SAMD12: variants seen among roughly 807,000 people sequenced by gnomAD.
SAMD12 encodes the protein sterile alpha motif domain-containing protein 12.
In SAMD12, 9 loss-of-function variants were observed where a neutral mutation model predicts 15.0. The ratio of observed to expected loss-of-function variants is 0.60; its 90% CI spans 0.36 to 1.05. SAMD12 has a LOEUF of 1.05. Ranked by LOEUF, SAMD12 falls within the 50% of genes least tolerant of loss-of-function variation. The pLI is 0.01. For synonymous variants in SAMD12, 86 were observed against 90.1 expected (o/e 0.96, Z 0.25); for missense variants, 230 against 234.2 (o/e 0.98, Z 0.12).
At chr8:118,375,822 C>T (rs991130505), downstream of SAMD12, 1 of 152,190 alleles carries the variant, frequency 6.6e-6, no homozygotes, top group Non-Finnish European at 1.5e-5. Context: ...ACAGGTGCAG[C>T]TTGTATTAGC....
chr8:118,528,975 A>C (rs571353447), intron 2 of SAMD12, among the ~76,000 whole-genome samples: 98 of 152,314 alleles, frequency 6.4e-4, no homozygotes, highest in African/African-American at 2.2e-3. Flanking sequence ...CAAGAGGAAG[A>C]AAAAAAGAAG....
intron 2 of SAMD12, among the ~76,000 whole-genome samples, chr8:118,477,779 T>TGA (rs2130982004): frequency 6.6e-6 from 1 of 151,984 alleles, no homozygotes; most frequent in South Asian, 2.1e-4. Context: ...CTTTGGGAGC[T>TGA]GAGGTGGGCG....
intron 4 of SAMD12, among the ~76,000 whole-genome samples, chr8:118,345,313 C>G (rs1281228173): frequency 6.6e-6 from 1 of 152,178 alleles, no homozygotes; most frequent in African/African-American, 2.4e-5. Flanking sequence ...ACTGTAAGCA[C>G]ACACTGCGAT....
At chr8:118,175,034 C>CAAAAAAAAAAA in the SAMD12 span, among the ~76,000 whole-genome samples, 4 of 78,756 alleles carry the variant, frequency 5.1e-5, no homozygotes, top group African/African-American at 7.4e-5. Flanking sequence ...CAAAAAAAAA[C>CAAAAAAAAAAA]AAAAAAAAAA....
At chr8:118,515,323 T>C (rs1825212309) in intron 2 of SAMD12, among the ~76,000 whole-genome samples, 1 of 151,324 alleles carries the variant, frequency 6.6e-6, no homozygotes, top group African/African-American at 2.4e-5. Flanking sequence ...ACCTCCTCCT[T>C]CTCTTTCTTC....
At chr8:118,151,367 T>G in the SAMD12 span, among the ~76,000 whole-genome samples, 2 of 152,222 alleles carry the variant, frequency 1.3e-5, no homozygotes, top group Non-Finnish European at 2.9e-5. Flanking sequence ...CAAATGTTTT[T>G]CAGCCCCTTC....
At chr8:118,338,507 C>T (rs1314463994) in intron 4 of SAMD12, among the ~76,000 whole-genome samples, 3 of 152,216 alleles carry the variant, frequency 2.0e-5, no homozygotes, top group East Asian at 1.9e-4. Context: ...ATAAAATGAA[C>T]GCTGATAAAG....
chr8:118,164,084 A>AGGAGGAGCAGGAG, the SAMD12 span, among the ~76,000 whole-genome samples: 1 of 152,160 alleles, frequency 6.6e-6, no homozygotes, highest in Non-Finnish European at 1.5e-5. Context: ...GAGGACAACC[A>AGGAGGAGCAGGAG]GGAGGAGCAG....
intron 2 of SAMD12, among the ~76,000 whole-genome samples, chr8:118,463,402 G>A (rs1249173746): frequency 6.6e-6 from 1 of 152,178 alleles, no homozygotes; most frequent in Non-Finnish European, 1.5e-5. Context: ...ATCACAGAGA[G>A]CACAGCAGTG....
intron 4 of SAMD12, among the ~76,000 whole-genome samples, chr8:118,215,174 G>A (rs1435656646): frequency 6.6e-6 from 1 of 152,178 alleles, no homozygotes; most frequent in African/African-American, 2.4e-5. Flanking sequence ...TATAGCCCCT[G>A]TAGGACAAAT....
intron 2 of SAMD12, among the ~76,000 whole-genome samples, chr8:118,547,331 C>A (rs1285553736): frequency 6.6e-6 from 1 of 152,162 alleles, no homozygotes; most frequent in Non-Finnish European, 1.5e-5. Flanking sequence ...AGAATGACTT[C>A]AGTGAGGCTT....
intron 3 of SAMD12, among the ~76,000 whole-genome samples, chr8:118,427,588 C>G (rs1822269639): frequency 6.7e-6 from 1 of 149,324 alleles, no homozygotes; most frequent in Non-Finnish European, 1.5e-5. Context: ...TTTCACCGAG[C>G]ACAATGTGAG....
chr8:118,179,616 C>T, the SAMD12 span, among the ~76,000 whole-genome samples: 1 of 152,090 alleles, frequency 6.6e-6, no homozygotes, highest in East Asian at 1.9e-4. Flanking sequence ...TTCCTCCTGG[C>T]CTCAGGTTTT....
intron 1 of SAMD12, among the ~76,000 whole-genome samples, chr8:118,604,089 C>T (rs1017364467): frequency 6.6e-6 from 1 of 152,136 alleles, no homozygotes; most frequent in Non-Finnish European, 1.5e-5. Context: ...ACAATGATTT[C>T]AACTATACAT....
chr8:118,373,779 T>C (rs926240568), downstream of SAMD12, among the ~76,000 whole-genome samples: 1 of 152,172 alleles, frequency 6.6e-6, no homozygotes, highest in African/African-American at 2.4e-5. Flanking sequence ...TGCCTGAATT[T>C]ACCCAACCCT....
chr8:118,312,987 A>G (rs558686874), intron 4 of SAMD12, among the ~76,000 whole-genome samples: 1 of 152,328 alleles, frequency 6.6e-6, no homozygotes, highest in Admixed American at 6.5e-5. Context: ...ACTAAACCAC[A>G]TTGGTAGGGA....
the SAMD12 span, among the ~76,000 whole-genome samples, chr8:118,159,377 A>G: frequency 6.6e-6 from 1 of 152,168 alleles, no homozygotes; most frequent in East Asian, 1.9e-4. Context: ...GGCTGTGCAC[A>G]GTGGCCGGAC....
chr8:118,494,014 C>T (rs894316619), intron 2 of SAMD12, among the ~76,000 whole-genome samples: 3 of 152,144 alleles, frequency 2.0e-5, no homozygotes, highest in Admixed American at 1.3e-4. Context: ...AAGCTGGTGC[C>T]ATGGTATTGT....
At chr8:118,618,139 C>T (rs1586861559) in intron 1 of SAMD12, among the ~76,000 whole-genome samples, 1 of 151,984 alleles carries the variant, frequency 6.6e-6, no homozygotes, top group East Asian at 1.9e-4. Flanking sequence ...GTAAGCTGCC[C>T]ATAAATGCAA....
Sources: gnomAD v4.1 joint callset for allele counts (sites outside exome capture counted in the v4.1 genomes callset) on GRCh38, gnomAD v4.1.1 for gene constraint, MANE v1.5 for transcripts, NCBI Gene and HGNC (gene_info 2026-07-23, HGNC 2026-07-21) for gene names.